SDSL: variants seen among roughly 807,000 people sequenced by gnomAD.
The protein encoded by SDSL is serine dehydratase like, also known as serine dehydratase-like.
In SDSL, 26 loss-of-function variants were observed where a neutral mutation model predicts 27.6. The ratio of observed to expected loss-of-function variants is 0.94; its 90% confidence interval spans 0.69 to 1.31. The LOEUF (loss-of-function observed/expected upper bound fraction) is 1.31, where lower values mean the gene tolerates loss of function less well. Ranked by LOEUF, SDSL falls within the 50% of genes most tolerant of loss-of-function variation. SDSL has a pLI of 0.00. For synonymous variants in SDSL, 196 were observed against 180.6 expected, an observed-to-expected ratio of 1.09 and a Z score of -0.69; for missense variants, 431 against 423.5, an observed-to-expected ratio of 1.02 and a Z score of -0.16.
chr12:113,435,203 G>A, intron 5 of SDSL, 126 bp from the exon 6 acceptor site: 1 of 569,650 alleles, frequency 1.8e-6, no homozygotes, highest in South Asian at 2.5e-5. Context: ...GGATGGGGAT[G>A]GTGGGGAGGG....
At chr12:113,432,220 CTTTCT>C (rs1957931679) in intron 4 of SDSL, among the ~76,000 whole-genome samples, 3 of 6,722 alleles carry the variant, frequency 4.5e-4, no homozygotes, top group Non-Finnish European at 7.5e-4. Context: ...TTCTTTCTTT[CTTTCT>C]TTCTTTCTTT....
rs774233714 is a variant in SDSL, at chr12:113,429,390, C to A, written c.354+91C>A. 7.9e-6 allele frequency: 11 copies of A among 1,383,946 alleles called. No homozygotes were observed. The African/African-American group carries it at 1.4e-4, about 18-fold the overall frequency. The allele number at this position is 1,383,946 out of a possible 1,614,324, so 85.7% of individuals were successfully genotyped here. A position where few individuals can be genotyped will look rare whatever the true frequency, so the allele number is the denominator to read the frequency against. On this transcript the variant is annotated intron_variant, in intron 4 of 7. Coordinates refer to ENST00000403593, the MANE Select transcript of SDSL (RefSeq NM_001304993.2). ...AAGACATCCTGTCTCCTTTTCCTTT[C>A]GATGAGCTGTGGCTGGGACCCAGTC... is the stretch of plus-strand genomic sequence containing the variant.
intron 4 of SDSL, among the ~76,000 whole-genome samples, chr12:113,429,727 T>C (rs923844179): frequency 2.0e-5 from 3 of 152,132 alleles, no homozygotes; most frequent in African/African-American, 7.2e-5. Context: ...GTTCCCTTTG[T>C]TACCAAAGAA....
chr12:113,427,857 GA>G (rs1957867814), intron 1 of SDSL, 104 bp from the exon 2 acceptor site: 4 of 984,598 alleles, frequency 4.1e-6, no homozygotes, highest in Non-Finnish European at 5.9e-6. Context: ...TGGATGAAGT[GA>G]AGGGCACCTA....
chr12:113,432,280 CTTTCTT>C (rs1957941644), intron 4 of SDSL, among the ~76,000 whole-genome samples: 2 of 129,260 alleles, frequency 1.5e-5, no homozygotes, highest in East Asian at 2.1e-4. Context: ...TTCTTTCTTT[CTTTCTT>C]TCTTTCTCTC....
intron 4 of SDSL, among the ~76,000 whole-genome samples, chr12:113,429,564 C>T (rs1365670098): frequency 6.6e-6 from 1 of 152,168 alleles, no homozygotes; most frequent in Non-Finnish European, 1.5e-5. Context: ...AGGAGACTGT[C>T]TGTCTCCTTA....
chr12:113,436,718 G>A (rs1456956629), intron 6 of SDSL, 33 bp from the exon 7 acceptor site: 1 of 1,548,172 alleles, frequency 6.5e-7, no homozygotes. Flanking sequence ...CTGAGCCCCT[G>A]GTCTCCCTGC....
intron 1 of SDSL, chr12:113,426,183 G>A (rs558492103): frequency 6.6e-6 from 3 of 454,972 alleles, no homozygotes; most frequent in South Asian, 1.6e-5. Flanking sequence ...CTGCATCCGC[G>A]GCACCCCAAA....
intron 5 of SDSL, 101 bp downstream of exon 5, chr12:113,434,323 G>C: frequency 1.1e-6 from 1 of 879,372 alleles, no homozygotes; most frequent in African/African-American, 1.7e-5. Context: ...GCCCAGAGGG[G>C]AGAAGAGGCT....
At chr12:113,428,372 A>G in intron 2 of SDSL, 48 bp from the exon 3 acceptor site, 1 of 1,586,814 alleles carries the variant, frequency 6.3e-7, no homozygotes, top group Non-Finnish European at 8.6e-7. Context: ...ATAGGCCTTC[A>G]TGACACCTGC....
intron 4 of SDSL, among the ~76,000 whole-genome samples, chr12:113,432,274 T>TC (rs1565879210): frequency 9.0e-5 from 8 of 89,360 alleles, no homozygotes; most frequent in South Asian, 4.1e-4. Flanking sequence ...CTTTCTTTCT[T>TC]TCTTTCTTTC....
chr12:113,429,206 C>G lies in SDSL; in HGVS notation c.261C>G (p.Gly87=). ...IAAAYAARKL[G]IPATIVLPES... ...CTGCCTATGCTGCTAGGAAGCTGGG[C>G]ATTCCTGCCACCATCGTGCTCCCCG... The change falls in exon 4 of 8, where the codon GGC becomes GGG. Residue 87 remains glycine, a synonymous_variant. Coordinates refer to ENST00000403593, the MANE Select transcript of SDSL (RefSeq NM_001304993.2). The G allele has an allele frequency of 6.2e-7, 1 of 1,613,892 alleles. No individual in the cohort carries two copies.
At chr12:113,433,893 A>T (rs758350775) in intron 4 of SDSL, among the ~76,000 whole-genome samples, 2 of 152,214 alleles carry the variant, frequency 1.3e-5, no homozygotes, top group South Asian at 4.2e-4. Context: ...TGGTTTTCAT[A>T]GTGTGGCAGT....
At position 113,435,440 on chromosome 12, in the gene SDSL, C is replaced by T. The variant is rs753317385; in HGVS notation, c.555C>T (p.Gly185=). The change falls in exon 6 of 8, where the codon GGC becomes GGT. Residue 185 remains glycine, a synonymous_variant. Transcript: ENST00000403593. ...GGGLLAGVVA[G]LLEVGWQHVP... ...GTCTCCTGGCCGGGGTGGTGGCTGG[C>T]CTGCTGGAGGTGGGCTGGCAGCATG... 4 of 1,613,664 alleles carry T rather than the reference C, an allele frequency of 2.5e-6. No homozygotes were observed. The South Asian group carries it at 3.3e-5, about 13-fold the overall frequency.
chr12:113,434,258 C>A, intron 5 of SDSL, 36 bp downstream of exon 5: 1 of 1,489,036 alleles, frequency 6.7e-7, no homozygotes, highest in African/African-American at 1.4e-5. Context: ...GAGTCCAGAG[C>A]TGGGAGACCT....
At chr12:113,437,652 A>G (rs941769894) in intron 7 of SDSL, among the ~76,000 whole-genome samples, 1 of 152,140 alleles carries the variant, frequency 6.6e-6, no homozygotes, top group African/African-American at 2.4e-5. Context: ...TAGTCTAATG[A>G]TGGATAGAGG....
chr12:113,425,443 C>T lies in SDSL; in HGVS notation c.-21-2519C>T, dbSNP rs116604975. 6.2e-3 allele frequency among the ~76,000 whole-genome samples: 947 copies of T among 152,198 alleles called. 15 individuals carry two copies. Among genetic ancestry groups the T allele is most frequent in the African/African-American group, 0.021 (864 of 41,530 alleles). On this transcript the variant is annotated intron_variant, in intron 1 of 7. Coordinates refer to ENST00000403593, the MANE Select transcript of SDSL (RefSeq NM_001304993.2). ...GCCAAGAGACCCTGATCTCTCTGATCTTGGAACCCCAGCCATGACTTAAGG... is the reference window on the plus strand; with the variant it reads ...GCCAAGAGACCCTGATCTCTCTGATTTTGGAACCCCAGCCATGACTTAAGG...
chr12:113,437,121 A>C, intron 7 of SDSL: 1 of 277,010 alleles, frequency 3.6e-6, no homozygotes, highest in South Asian at 6.9e-5. Context: ...CCTGCTCCCT[A>C]TTGGTTTGAT....
chr12:113,433,795 G>A (rs1000078800), intron 4 of SDSL, among the ~76,000 whole-genome samples: 8 of 152,188 alleles, frequency 5.3e-5, no homozygotes, highest in African/African-American at 1.9e-4. Context: ...ACTTTAGGGG[G>A]CTTCTCCCCT....
Sources: allele counts gnomAD v4.1 joint callset (sites outside exome capture counted in the v4.1 genomes callset), GRCh38; gene constraint gnomAD v4.1.1; transcripts MANE v1.5; gene names NCBI Gene and HGNC (gene_info 2026-07-23, HGNC 2026-07-21).